DLEU7: variants seen among roughly 807,000 people sequenced by gnomAD.
DLEU7 encodes the protein leukemia-associated protein 7.
DLEU7 carries 17 observed loss-of-function variants against 16.0 expected under a neutral mutation model. The observed-to-expected ratio is 1.06, with a 90% CI of 0.73 to 1.59. DLEU7 has a LOEUF of 1.59. Ranked by LOEUF, DLEU7 falls within the 40% of genes most tolerant of loss-of-function variation. The pLI is 0.00. For missense variants in DLEU7, 308 were observed against 314.9 expected, an observed-to-expected ratio of 0.98 and a Z score of 0.17; for synonymous variants, 113 against 139.8, an observed-to-expected ratio of 0.81 and a Z score of 1.35.
intron 1 of DLEU7, among the ~76,000 whole-genome samples, chr13:50,731,717 G>T (rs764884659): frequency 6.6e-5 from 10 of 152,174 alleles, no homozygotes; most frequent in Non-Finnish European, 1.3e-4. Context: ...GGAAAGGGAG[G>T]CTGTTTGTCT....
intron 1 of DLEU7, among the ~76,000 whole-genome samples, chr13:50,841,407 A>T (rs1359652550): frequency 6.6e-6 from 1 of 151,910 alleles, no homozygotes; most frequent in Admixed American, 6.6e-5. Context: ...TTTTTTTTTA[A>T]AGGCTGCCTC....
intron 1 of DLEU7, among the ~76,000 whole-genome samples, chr13:50,813,904 G>A (rs1876644193): frequency 6.6e-6 from 1 of 152,008 alleles, no homozygotes; most frequent in South Asian, 2.1e-4. Flanking sequence ...TGAAAATGTG[G>A]GAAATAACTT....
At chr13:50,785,673 C>T (rs944208411) in intron 1 of DLEU7, among the ~76,000 whole-genome samples, 8 of 152,202 alleles carry the variant, frequency 5.3e-5, no homozygotes, top group Non-Finnish European at 1.0e-4. Context: ...GGCATCACTT[C>T]CTTCTTCTCT....
At chr13:50,839,373 A>T (rs1377259031) in intron 1 of DLEU7, among the ~76,000 whole-genome samples, 4 of 152,222 alleles carry the variant, frequency 2.6e-5, no homozygotes, top group Non-Finnish European at 5.9e-5. Context: ...CCATGAAGAA[A>T]CTCACTGCAA....
At position 50,823,129 on chromosome 13, in the gene DLEU7, A is replaced by G. The variant is rs1593410393; in HGVS notation, c.*185T>C. 1.4e-6 allele frequency: 2 copies of G among 1,391,738 alleles called. No homozygotes were observed. Among genetic ancestry groups the G allele is most frequent in the East Asian group, 5.1e-5 (2 of 38,860 alleles). 86.2% of individuals were successfully genotyped at this position (1,391,738 alleles called of 1,614,324 possible). A position where few individuals can be genotyped will look rare whatever the true frequency, so the allele number is the denominator to read the frequency against. On this transcript the variant is annotated 3_prime_UTR_variant, in exon 2 of 2. Coordinates refer to ENST00000504404, the MANE Select transcript of DLEU7 (RefSeq NM_001306135.2). ...AAAATATGAACTACTGCTTTAAAAAAATTTCATTAACATGCTATAATCCCG... is the reference window on the plus strand; with the variant it reads ...AAAATATGAACTACTGCTTTAAAAAGATTTCATTAACATGCTATAATCCCG...
At chr13:50,737,105 A>G (rs1874093575) in intron 1 of DLEU7, among the ~76,000 whole-genome samples, 1 of 152,100 alleles carries the variant, frequency 6.6e-6, no homozygotes, top group Non-Finnish European at 1.5e-5. Context: ...AAATAAAGAG[A>G]GCTCACTTCC....
chr13:50,720,284 G>A lies in DLEU7; in HGVS notation c.460-7044C>T, dbSNP rs544618340. Among the ~76,000 whole-genome samples, 7 of 152,178 alleles carry A rather than the reference G, an allele frequency of 4.6e-5. No individual in the cohort carries two copies. The East Asian group carries it at 7.7e-4, about 17-fold the overall frequency. On this transcript the variant is annotated intron_variant, in intron 1 of 1. Transcript: ENST00000400393. ...TAGATACAACCTCAAATATGTTTCC[G>A]TGTGTTTTCATTTTTCCTTTCTTCC...
chr13:50,735,068 A>T (rs1171053935), intron 1 of DLEU7, among the ~76,000 whole-genome samples: 1 of 152,204 alleles, frequency 6.6e-6, no homozygotes. Flanking sequence ...GGGACATTTC[A>T]TAATGATAAA....
At chr13:50,735,405 A>G (rs961930702) in intron 1 of DLEU7, among the ~76,000 whole-genome samples, 2 of 152,272 alleles carry the variant, frequency 1.3e-5, no homozygotes, top group Non-Finnish European at 2.9e-5. Flanking sequence ...CCATAAAGCA[A>G]GTCTCAATAA....
intron 1 of DLEU7, among the ~76,000 whole-genome samples, chr13:50,743,174 A>AAGGAAGGC (rs1874300360): frequency 7.7e-6 from 1 of 129,444 alleles, no homozygotes; most frequent in African/African-American, 2.8e-5. Context: ...GAGAAAGAAA[A>AAGGAAGGC]AGGCAGGCAG....
At chr13:50,714,804 G>A (rs1386675841) in intron 1 of DLEU7, among the ~76,000 whole-genome samples, 5 of 152,194 alleles carry the variant, frequency 3.3e-5, no homozygotes, top group African/African-American at 1.2e-4. Context: ...GGGGAACATA[G>A]AATGTATTAG....
chr13:50,752,158 T>C (rs1323912517), intron 1 of DLEU7, among the ~76,000 whole-genome samples: 1 of 151,572 alleles, frequency 6.6e-6, no homozygotes, highest in African/African-American at 2.4e-5. Flanking sequence ...TTCAGGCCAT[T>C]CTCCTGCCTC....
chr13:50,718,868 C>G (rs890898718), intron 1 of DLEU7, among the ~76,000 whole-genome samples: 1 of 152,092 alleles, frequency 6.6e-6, no homozygotes, highest in Non-Finnish European at 1.5e-5. Flanking sequence ...TGCACAAGAA[C>G]AAGAATCCTT....
In DLEU7 at chr13:50,840,361, G is replaced by A. The variant is rs1163615336; in HGVS notation, c.459+2827C>T. On this transcript the variant is annotated intron_variant, in intron 1 of 1. Transcript: ENST00000504404. The stretch of plus-strand genomic sequence containing the variant: ...CCATCTCCTCAAGTCTAAGTGCTGT[G>A]TAATCATTACTCTACAAACCAAGTG... Among the ~76,000 whole-genome samples the A allele has an allele frequency of 3.3e-5, 5 of 152,198 alleles. No individual in the cohort carries two copies. In the East Asian group the frequency reaches 9.6e-4, roughly 29 times the overall value.
chr13:50,738,138 A>T (rs1020015760), intron 1 of DLEU7, among the ~76,000 whole-genome samples: 1 of 152,208 alleles, frequency 6.6e-6, no homozygotes, highest in Admixed American at 6.5e-5. Flanking sequence ...GTAAAGGCTA[A>T]GAAAGCTGCA....
chr13:50,806,352 G>A (rs1219904083), intron 1 of DLEU7, among the ~76,000 whole-genome samples: 1 of 151,794 alleles, frequency 6.6e-6, no homozygotes, highest in African/African-American at 2.4e-5. Flanking sequence ...TTTGACCATT[G>A]GATAGAGATC....
intron 1 of DLEU7, among the ~76,000 whole-genome samples, chr13:50,797,053 GT>G (rs1225104878): frequency 1.3e-5 from 2 of 152,168 alleles, no homozygotes; most frequent in Non-Finnish European, 2.9e-5. Context: ...TGTATCACAG[GT>G]TTTGAAACAG....
At chr13:50,812,294 G>T (rs1379175325) in intron 1 of DLEU7, among the ~76,000 whole-genome samples, 1 of 152,072 alleles carries the variant, frequency 6.6e-6, no homozygotes, top group East Asian at 1.9e-4. Flanking sequence ...GACCTGAGGG[G>T]CCCCCGTGGA....
intron 1 of DLEU7, among the ~76,000 whole-genome samples, chr13:50,814,756 A>ATGTGTGTGTGTGTG (rs1208320315): frequency 4.3e-5 from 3 of 69,120 alleles, no homozygotes; most frequent in African/African-American, 1.0e-4. Flanking sequence ...ACATGTATTC[A>ATGTGTGTGTGTGTG]TGTGAGTGTG....
Sources: allele counts gnomAD v4.1 joint callset (sites outside exome capture counted in the v4.1 genomes callset), GRCh38; gene constraint gnomAD v4.1.1; transcripts MANE v1.5; gene names NCBI Gene and HGNC (gene_info 2026-07-23, HGNC 2026-07-21).